SPATA6: variants seen among roughly 807,000 people sequenced by gnomAD.
SPATA6 encodes spermatogenesis-associated protein 6.
Under a neutral mutation model 65.3 loss-of-function variants are expected in SPATA6, and 56 were observed. That is an observed-to-expected ratio of 0.86 (90% confidence interval 0.69 to 1.07). The LOEUF is 1.07. SPATA6 is among the 50% of genes least tolerant of loss of function. The probability of loss-of-function intolerance (pLI) is 0.00; values close to 1 mark genes in which losing one functional copy is unlikely to be tolerated. For synonymous variants in SPATA6, 199 were observed against 213.2 expected (o/e 0.93, Z 0.58); for missense variants, 590 against 594.8 (o/e 0.99, Z 0.08).
At chr1:48,299,537 A>AAAAAAAAAAAAAAAAAAAT (rs1569971516) in intron 12 of SPATA6, among the ~76,000 whole-genome samples, 4 of 149,970 alleles carry the variant, frequency 2.7e-5, no homozygotes, top group South Asian at 2.1e-4. Context: ...AAAAAAAAAA[A>AAAAAAAAAAAAAAAAAAAT]GAATGCATAG....
At chr1:48,284,316 T>G in the SPATA6 span, among the ~76,000 whole-genome samples, 1 of 152,216 alleles carries the variant, frequency 6.6e-6, no homozygotes. Flanking sequence ...GTTATTCTAG[T>G]TAGCAGTTTC....
At chr1:48,378,704 T>C (rs963677986) in intron 9 of SPATA6, among the ~76,000 whole-genome samples, 3 of 152,090 alleles carry the variant, frequency 2.0e-5, no homozygotes, top group African/African-American at 7.2e-5. Flanking sequence ...AGTTCAATCA[T>C]CTCCCCCTGG....
rs186308014 is a variant in SPATA6 at position 48,449,420 on chromosome 1, T to C, written c.238+2132A>G. 5.8e-4 allele frequency among the ~76,000 whole-genome samples: 89 copies of C among 152,322 alleles called. 1 individual carries two copies. The highest frequency in any genetic ancestry group is 2.6e-3 in the Admixed American group (39 of 15,292). ...ACACAGCACCAACTATGAAGATTTC[T>C]TGCCAAAGTAACAAAATAAGCCAGA... On this transcript the variant is annotated intron_variant, in intron 3 of 12. Transcript: ENST00000371847.
intron 1 of SPATA6, 87 bp downstream of exon 1, chr1:48,471,871 G>C (rs1402415822): frequency 1.4e-6 from 2 of 1,470,422 alleles, no homozygotes; most frequent in African/African-American, 1.4e-5. Flanking sequence ...GGGTGAAGGA[G>C]GTTTGGGGGT....
the SPATA6 span, among the ~76,000 whole-genome samples, chr1:48,285,181 G>A: frequency 4.6e-5 from 7 of 152,214 alleles, no homozygotes; most frequent in South Asian, 2.1e-4. Flanking sequence ...GCCTAGCTGC[G>A]GTGGGCTCCT....
In SPATA6 at chr1:48,458,732, T is replaced by C. The variant is rs141868486; in HGVS notation, c.52-5601A>G. ...TGATTCCATTTATAGAAATGTCCAG[T>C]ATAGGCAAATCTACAGATACGGGAA... On this transcript the variant is annotated intron_variant, in intron 1 of 12. Coordinates refer to ENST00000371847, the MANE Select transcript of SPATA6 (RefSeq NM_019073.4). 5.3e-3 allele frequency among the ~76,000 whole-genome samples: 806 copies of C among 152,198 alleles called. 21 individuals are homozygous for C. The highest frequency in any genetic ancestry group is 0.05 in the South Asian group (242 of 4,822).
At chr1:48,282,661 T>C in the SPATA6 span, among the ~76,000 whole-genome samples, 7 of 151,932 alleles carry the variant, frequency 4.6e-5, no homozygotes, top group Non-Finnish European at 1.0e-4. Context: ...GTCAGAATGG[T>C]GATCATTAAA....
chr1:48,299,150 C>A (rs1644869656), intron 12 of SPATA6, among the ~76,000 whole-genome samples: 1 of 151,958 alleles, frequency 6.6e-6, no homozygotes, highest in Non-Finnish European at 1.5e-5. Flanking sequence ...AGAGAACAGA[C>A]ACAGGTACAG....
At chr1:48,311,801 G>A (rs186908374) in intron 11 of SPATA6, among the ~76,000 whole-genome samples, 8 of 152,302 alleles carry the variant, frequency 5.3e-5, no homozygotes, top group Middle Eastern at 3.4e-3. Flanking sequence ...CAAGGGGTGA[G>A]GGAATTCCCT....
rs373029752 is a variant in SPATA6 at position 48,408,071 on chromosome 1, T to C, written c.405+3393A>G. ...CACTGAAATATCCCCAAAGAAAGTA[T>C]AGTTTTATAGACTTGCTACTTAGTC... is the stretch of plus-strand genomic sequence containing the variant. On this transcript the variant is annotated intron_variant, in intron 5 of 12. Coordinates refer to ENST00000371847, the MANE Select transcript of SPATA6 (RefSeq NM_019073.4). Among the ~76,000 whole-genome samples, 5 of 152,372 alleles carry C rather than the reference T, an allele frequency of 3.3e-5. No individual in the cohort carries two copies. In the East Asian group the frequency reaches 5.8e-4, roughly 18 times the overall value.
At chr1:48,429,859 A>G (rs1654238829) in intron 3 of SPATA6, among the ~76,000 whole-genome samples, 1 of 152,186 alleles carries the variant, frequency 6.6e-6, no homozygotes, top group South Asian at 2.1e-4. Flanking sequence ...AAAATTTACT[A>G]GATTGACTCA....
At position 48,413,171 on chromosome 1, in the gene SPATA6, T is replaced by C. The variant is rs771906230; in HGVS notation, c.239-20A>G. The C allele has an allele frequency of 1.2e-5, 17 of 1,391,008 alleles. No homozygotes were observed. In the East Asian group the frequency reaches 4.2e-4, roughly 34 times the overall value. 86.2% of individuals were successfully genotyped at this position (1,391,008 alleles called of 1,614,324 possible). A position where few individuals can be genotyped will look rare whatever the true frequency, so the allele number is the denominator to read the frequency against. On this transcript the variant is annotated intron_variant, in intron 3 of 12. Transcript: ENST00000371847. ...TATCATCTAAAAGTTTAAAGAAAAATTTCCTTAAATAAACAAATTAATAAC... is the reference window on the plus strand; with the variant it reads ...TATCATCTAAAAGTTTAAAGAAAAACTTCCTTAAATAAACAAATTAATAAC...
chr1:48,388,551 T>G (rs1002079207), intron 8 of SPATA6, among the ~76,000 whole-genome samples: 1 of 151,972 alleles, frequency 6.6e-6, no homozygotes, highest in Admixed American at 6.6e-5. Flanking sequence ...CTAAAGACAC[T>G]CAGTGAGATA....
intron 3 of SPATA6, among the ~76,000 whole-genome samples, chr1:48,428,548 T>C (rs1319208442): frequency 6.6e-6 from 1 of 151,876 alleles, no homozygotes; most frequent in Non-Finnish European, 1.5e-5. Flanking sequence ...AATAAGAAAA[T>C]CATAAGGGAG....
In SPATA6 at chr1:48,372,066, G is replaced by T. The variant is rs548058354; in HGVS notation, c.910-12296C>A. Among the ~76,000 whole-genome samples, 16 of 150,966 alleles carry T rather than the reference G, an allele frequency of 1.1e-4. No homozygotes were observed. The East Asian group carries it at 2.9e-3, about 27-fold the overall frequency. ...AGCCAAACCATATCATTCCACCCCT[G>T]GCACCTCCAAATATCATGTCCTCAC... is the stretch of plus-strand genomic sequence containing the variant. On this transcript the variant is annotated intron_variant, in intron 9 of 12. Transcript: ENST00000371847.
At chr1:48,433,508 A>G (rs1044549027) in intron 3 of SPATA6, among the ~76,000 whole-genome samples, 1 of 152,180 alleles carries the variant, frequency 6.6e-6, no homozygotes, top group Non-Finnish European at 1.5e-5. Context: ...TCATTTTCAC[A>G]TGTACTTTTA....
At chr1:48,288,780 T>G in the SPATA6 span, among the ~76,000 whole-genome samples, 1 of 151,990 alleles carries the variant, frequency 6.6e-6, no homozygotes, top group African/African-American at 2.4e-5. Context: ...AACTGCAAGG[T>G]GGCAGCAAGG....
chr1:48,364,990 A>C (rs768049233), intron 9 of SPATA6, among the ~76,000 whole-genome samples: 15 of 152,088 alleles, frequency 9.9e-5, no homozygotes, highest in Admixed American at 1.3e-4. Flanking sequence ...GTGTAAGGAA[A>C]GGATCCAGTT....
At chr1:48,366,501 A>G (rs1157073096) in intron 9 of SPATA6, among the ~76,000 whole-genome samples, 2 of 152,022 alleles carry the variant, frequency 1.3e-5, no homozygotes, top group African/African-American at 2.4e-5. Context: ...TTCAGAGTCA[A>G]CTTCTTCCTG....
Sources: allele counts gnomAD v4.1 joint callset (sites outside exome capture counted in the v4.1 genomes callset), GRCh38; gene constraint gnomAD v4.1.1; transcripts MANE v1.5; gene names NCBI Gene and HGNC (gene_info 2026-07-23, HGNC 2026-07-21).